AHCYL1: variants seen among roughly 807,000 people sequenced by gnomAD.
The protein encoded by AHCYL1 is S-adenosylhomocysteine hydrolase-like protein 1.
In AHCYL1, 20 loss-of-function variants were observed where a neutral mutation model predicts 79.3. The ratio of observed to expected loss-of-function variants is 0.25; its 90% CI spans 0.18 to 0.37. AHCYL1 has a LOEUF of 0.37. AHCYL1 is among the 10% of genes least tolerant of loss of function. The probability of loss-of-function intolerance (pLI) is 1.00; values close to 1 mark genes in which losing one functional copy is unlikely to be tolerated. For missense variants in AHCYL1, 330 were observed against 673.6 expected (o/e 0.49, Z 5.65); for synonymous variants, 223 against 242.2 (o/e 0.92, Z 0.74).
chr1:109,986,324 C>CT (rs5776998), intron 1 of AHCYL1, among the ~76,000 whole-genome samples: 81 of 147,676 alleles, frequency 5.5e-4, no homozygotes, highest in Middle Eastern at 3.5e-3. Context: ...AGAGATGGCT[C>CT]TTTTTTTTTT....
chr1:109,986,535 C>A (rs1328012697), intron 1 of AHCYL1, among the ~76,000 whole-genome samples: 1 of 152,166 alleles, frequency 6.6e-6, no homozygotes, highest in Admixed American at 6.5e-5. Context: ...GACAATGACC[C>A]TTTGCAATCT....
chr1:110,013,878 G>GCAA (rs1651234571), intron 5 of AHCYL1, among the ~76,000 whole-genome samples: 1 of 144,546 alleles, frequency 6.9e-6, no homozygotes, highest in South Asian at 2.2e-4. Flanking sequence ...TCGGCTCACT[G>GCAA]CAACCCCTGC....
rs748363317 is a variant in AHCYL1 at position 110,017,454 on chromosome 1, C to T, written c.964-41C>T. The stretch of plus-strand genomic sequence containing the variant: ...ACCTACCTACCCTAAATATCCATGA[C>T]TTAATGAACCTAACGACTTGACCTT... On this transcript the variant is annotated intron_variant, in intron 9 of 16. Coordinates refer to ENST00000369799, the MANE Select transcript of AHCYL1 (RefSeq NM_006621.7). 4 of 1,590,276 alleles carry T rather than the reference C, an allele frequency of 2.5e-6. No homozygotes were observed. In the Admixed American group the frequency reaches 5.0e-5, roughly 20 times the overall value.
chr1:110,021,643 A>T lies in AHCYL1; in HGVS notation c.1587-31A>T, dbSNP rs773318123. On this transcript the variant is annotated intron_variant, in intron 16 of 16. Coordinates refer to ENST00000369799, the MANE Select transcript of AHCYL1 (RefSeq NM_006621.7). ...TTGGAATTCTCATATGGAAGACATA[A>T]GTGTTAACCAATCACTCTCTCTCTT... 3 of 1,608,496 alleles carry T rather than the reference A, an allele frequency of 1.9e-6. No individual in the cohort carries two copies. In the Admixed American group the frequency reaches 5.1e-5, roughly 27 times the overall value.
chr1:110,011,425 A>G, intron 3 of AHCYL1, 68 bp downstream of exon 3: 1 of 1,585,352 alleles, frequency 6.3e-7, no homozygotes, highest in Non-Finnish European at 8.6e-7. Context: ...TCCACAAACA[A>G]CTTAAGACTT....
chr1:110,009,233 A>C, intron 2 of AHCYL1, 88 bp downstream of exon 2: 1 of 1,149,166 alleles, frequency 8.7e-7, no homozygotes, highest in Non-Finnish European at 1.3e-6. Context: ...AAAATACCTC[A>C]TGTTATGACT....
intron 2 of AHCYL1, among the ~76,000 whole-genome samples, chr1:110,010,843 A>G (rs922663973): frequency 5.3e-5 from 8 of 152,258 alleles, no homozygotes; most frequent in African/African-American, 1.7e-4. Context: ...CTATAGAAAT[A>G]GCATTCCTTA....
At position 110,019,641 on chromosome 1, in the gene AHCYL1, G is replaced by T. The variant is rs1651662822; in HGVS notation, c.1465+15G>T. On this transcript the variant is annotated intron_variant, in intron 15 of 16. Coordinates refer to ENST00000369799, the MANE Select transcript of AHCYL1 (RefSeq NM_006621.7). ...TAAGAAAATGGGTGAGTGAAAAACA[G>T]TGGAAATCTATGCAGACAGCTGCAT... 6.2e-7 allele frequency: 1 copy of T among 1,606,738 alleles called. No homozygotes were observed. Among genetic ancestry groups the T allele is most frequent in the Middle Eastern group, 1.7e-4 (1 of 6,028 alleles).
At position 110,009,061 on chromosome 1, in the gene AHCYL1, G is replaced by A; in HGVS notation, c.148G>A (p.Glu50Lys). 6.2e-7 allele frequency: 1 copy of A among 1,613,828 alleles called. No individual in the cohort carries two copies. The highest frequency in any genetic ancestry group is 2.2e-5 in the East Asian group (1 of 44,880). ...AATCCAGTTTGCTGATGACATGCAG[G>A]AGTTCACCAAATTCCCCACCAAAAC... ...KQIQFADDMQ[E>K]FTKFPTKTGR... The change falls in exon 2 of 17, where the codon GAG (glutamate) becomes AAG (lysine). Residue 50 changes from glutamate to lysine, a missense_variant. Around this residue, in one of 6 missense-constraint regions of AHCYL1, gnomAD observed 66 missense variants for 68.0 expected, o/e 0.97. Transcript: ENST00000369799.
At chr1:110,002,108 T>TTTTTAA (rs1162307054) in intron 1 of AHCYL1, among the ~76,000 whole-genome samples, 10 of 152,194 alleles carry the variant, frequency 6.6e-5, no homozygotes, top group Non-Finnish European at 1.3e-4. Context: ...AAAAAGGTAA[T>TTTTTAA]ACTAAATCTG....
At position 109,995,924 on chromosome 1, in the gene AHCYL1, T is replaced by C. The variant is rs1015916726; in HGVS notation, c.120+10752T>C. ...GCCAACATTGTTCGGAAATCTAACA[T>C]TGAGATGGTAATGGCCCAGGCACGG... On this transcript the variant is annotated intron_variant, in intron 1 of 16. Coordinates refer to ENST00000369799, the MANE Select transcript of AHCYL1 (RefSeq NM_006621.7). Among the ~76,000 whole-genome samples the C allele has an allele frequency of 4.6e-5, 7 of 152,328 alleles. No individual in the cohort carries two copies. The South Asian group carries it at 1.4e-3, about 32-fold the overall frequency.
intron 3 of AHCYL1, among the ~76,000 whole-genome samples, chr1:110,011,934 C>G (rs1033561552): frequency 1.3e-5 from 2 of 152,238 alleles, no homozygotes; most frequent in African/African-American, 2.4e-5. Context: ...AGAAACCAAA[C>G]AGACTGACAG....
chr1:110,012,326 G>T (rs771598097), intron 3 of AHCYL1, 36 bp from the exon 4 acceptor site: 2 of 1,591,756 alleles, frequency 1.3e-6, no homozygotes, highest in East Asian at 2.2e-5. Context: ...GATACTGCTA[G>T]TGCAGACCTA....
intron 1 of AHCYL1, among the ~76,000 whole-genome samples, chr1:109,989,772 G>A (rs1649658400): frequency 6.6e-6 from 1 of 152,146 alleles, no homozygotes; most frequent in African/African-American, 2.4e-5. Context: ...TGTCAACCCT[G>A]ATTATACTGG....
chr1:109,999,342 ATTG>A (rs1017996972), intron 1 of AHCYL1, among the ~76,000 whole-genome samples: 1 of 152,196 alleles, frequency 6.6e-6, no homozygotes, highest in Non-Finnish European at 1.5e-5. Flanking sequence ...ATACAATGTT[ATTG>A]TTAACTGTAG....
rs112473004 is a variant in AHCYL1, at chr1:109,996,884, G to C, written c.120+11712G>C. Among the ~76,000 whole-genome samples the C allele has an allele frequency of 7.4e-3, 1,122 of 152,288 alleles. 16 individuals are homozygous for C. The highest frequency in any genetic ancestry group is 7.8e-3 in the Non-Finnish European group (528 of 68,022). Reference sequence around the variant, plus strand: ...AGCCTGCAACCCATCCATGGACCCAGGGCTAAGAACCTAGAAGACTTGTCT... The same window carrying C: ...AGCCTGCAACCCATCCATGGACCCACGGCTAAGAACCTAGAAGACTTGTCT... On this transcript the variant is annotated intron_variant, in intron 1 of 16. Coordinates refer to ENST00000369799, the MANE Select transcript of AHCYL1 (RefSeq NM_006621.7).
chr1:109,999,894 C>CT (rs1180436237), intron 1 of AHCYL1, among the ~76,000 whole-genome samples: 2 of 152,224 alleles, frequency 1.3e-5, no homozygotes, highest in Admixed American at 6.5e-5. Context: ...AAATATAACT[C>CT]TTTTTCTGTT....
At chr1:110,018,974 C>T in intron 13 of AHCYL1, 77 bp from the exon 14 acceptor site, 1 of 1,398,388 alleles carries the variant, frequency 7.2e-7, no homozygotes, top group Admixed American at 1.7e-5. Flanking sequence ...GTAAAGTCCT[C>T]TCCCGCTTTG....
chr1:110,009,616 T>G (rs1472307474), intron 2 of AHCYL1, among the ~76,000 whole-genome samples: 4 of 152,240 alleles, frequency 2.6e-5, no homozygotes, highest in Non-Finnish European at 5.9e-5. Context: ...ATTAGGTTAT[T>G]CTTTCTGTTG....
Sources: gnomAD v4.1 joint callset for allele counts (sites outside exome capture counted in the v4.1 genomes callset) on GRCh38, gnomAD v4.1.1 for gene constraint, gnomAD v4.1.1 regional missense constraint, MANE v1.5 for transcripts, NCBI Gene and HGNC (gene_info 2026-07-23, HGNC 2026-07-21) for gene names.